The following SLC8A1 variants were observed in gnomAD, a reference collection of about 807,000 sequenced individuals.
The protein encoded by SLC8A1 is sodium/calcium exchanger 1.
Under a neutral mutation model 68.3 loss-of-function variants are expected in SLC8A1, and 18 were observed. That is an observed-to-expected ratio of 0.26 (90% CI 0.18 to 0.39). The LOEUF is 0.39. Among genes scored for constraint, SLC8A1 ranks in the 10% least tolerant of loss-of-function variants. SLC8A1 has a pLI of 1.00. For synonymous variants in SLC8A1, 475 were observed against 415.5 expected (o/e 1.14, Z -1.74); for missense variants, 985 against 1,156.7 (o/e 0.85, Z 2.15).
chr2:40,317,938 A>G (rs1333209090), intron 2 of SLC8A1, among the ~76,000 whole-genome samples: 1 of 152,108 alleles, frequency 6.6e-6, no homozygotes, highest in Non-Finnish European at 1.5e-5. Flanking sequence ...GTGGATATTC[A>G]GCATGCACTA....
At chr2:40,319,414 G>A (rs1486427471) in intron 2 of SLC8A1, among the ~76,000 whole-genome samples, 3 of 152,056 alleles carry the variant, frequency 2.0e-5, no homozygotes, top group Non-Finnish European at 4.4e-5. Flanking sequence ...GTTTTCTGAA[G>A]CATGGATTTT....
intron 2 of SLC8A1, among the ~76,000 whole-genome samples, chr2:40,277,276 C>G (rs1474901254): frequency 6.6e-6 from 1 of 151,784 alleles, no homozygotes; most frequent in Non-Finnish European, 1.5e-5. Context: ...CACGGTAGCT[C>G]ACGCCTATAA....
intron 5 of SLC8A1, among the ~76,000 whole-genome samples, chr2:40,163,785 T>C (rs1019024514): frequency 2.0e-5 from 3 of 152,236 alleles, no homozygotes; most frequent in Admixed American, 6.5e-5. Context: ...TCTTAAAATA[T>C]TCCACTTTAA....
chr2:40,355,381 C>G (rs1472113749), intron 2 of SLC8A1, among the ~76,000 whole-genome samples: 1 of 152,056 alleles, frequency 6.6e-6, no homozygotes, highest in African/African-American at 2.4e-5. Flanking sequence ...TTTACTTTGA[C>G]CTATAAGGAG....
rs1184862369 is a variant in SLC8A1 at position 40,290,727 on chromosome 2, A to T, written c.1809-112872T>A. ...GGATTTGAAGGATCCTAAAATACCC[A>T]TTACTACAGCTATAATAATGAGTAA... On this transcript the variant is annotated intron_variant, in intron 2 of 7. Coordinates refer to ENST00000406785, the Ensembl canonical transcript of SLC8A1. Among the ~76,000 whole-genome samples, 5 of 152,190 alleles carry T rather than the reference A, an allele frequency of 3.3e-5. No individual in the cohort carries two copies. In the East Asian group the frequency reaches 9.6e-4, roughly 29 times the overall value.
intron 2 of SLC8A1, among the ~76,000 whole-genome samples, chr2:40,222,531 C>G (rs538197639): frequency 3.1e-4 from 47 of 152,172 alleles, no homozygotes; most frequent in Non-Finnish European, 5.6e-4. Flanking sequence ...CAAATGGGAT[C>G]TGATTAAACT....
Position 40,296,350 on chromosome 2 carries a change from G to A in SLC8A1, c.1809-118495C>T, listed in dbSNP as rs559561141. Among the ~76,000 whole-genome samples, 14 of 152,238 alleles carry A rather than the reference G, an allele frequency of 9.2e-5. No homozygotes were observed. The South Asian group carries it at 2.9e-3, about 32-fold the overall frequency. ...CAACTTGAAGGTGCTACAGACCAAT[G>A]GAATATAAGGGATTCATTATTTAAT... On this transcript the variant is annotated intron_variant, in intron 2 of 7. Coordinates refer to ENST00000406785, the Ensembl canonical transcript of SLC8A1.
chr2:40,143,693 C>G (rs1221012983), intron 6 of SLC8A1, among the ~76,000 whole-genome samples: 1 of 152,162 alleles, frequency 6.6e-6, no homozygotes, highest in Non-Finnish European at 1.5e-5. Context: ...TTGGACCGTT[C>G]CTGCTCGGAA....
At chr2:40,164,144 G>T (rs1316680890) in intron 5 of SLC8A1, among the ~76,000 whole-genome samples, 7 of 127,314 alleles carry the variant, frequency 5.5e-5, no homozygotes, top group Non-Finnish European at 1.2e-4. Context: ...GAACCATGTA[G>T]GGTAGAAGGG....
intron 2 of SLC8A1, among the ~76,000 whole-genome samples, chr2:40,404,521 T>G (rs577818654): frequency 6.6e-6 from 1 of 152,170 alleles, no homozygotes; most frequent in African/African-American, 2.4e-5. Context: ...CCCAAGAGTT[T>G]GTGCATGTTG....
chr2:40,456,392 T>C (rs1703027524), upstream of SLC8A1, among the ~76,000 whole-genome samples: 1 of 151,708 alleles, frequency 6.6e-6, no homozygotes, highest in Non-Finnish European at 1.5e-5. Context: ...TTCTGCCCCT[T>C]ATTAAATTAA....
At chr2:40,346,357 C>G (rs779244452) in intron 2 of SLC8A1, among the ~76,000 whole-genome samples, 20 of 152,146 alleles carry the variant, frequency 1.3e-4, no homozygotes, top group Non-Finnish European at 2.2e-4. Flanking sequence ...CCATGCTACT[C>G]AAAGCGGACT....
intron 2 of SLC8A1, among the ~76,000 whole-genome samples, chr2:40,204,274 T>C (rs937248813): frequency 6.6e-6 from 1 of 152,048 alleles, no homozygotes; most frequent in Admixed American, 6.6e-5. Flanking sequence ...TCTAGGTGTA[T>C]GTTTATAAAA....
At chr2:40,332,423 G>A (rs961414667) in intron 2 of SLC8A1, among the ~76,000 whole-genome samples, 1 of 149,130 alleles carries the variant, frequency 6.7e-6, no homozygotes, top group South Asian at 2.2e-4. Flanking sequence ...CATGTGTGTG[G>A]GGGGAGGACG....
intron 2 of SLC8A1, among the ~76,000 whole-genome samples, chr2:40,371,528 C>T (rs918878126): frequency 6.6e-6 from 1 of 152,090 alleles, no homozygotes; most frequent in Non-Finnish European, 1.5e-5. Context: ...ATGTTAGTGT[C>T]TTCTACCTCT....
intron 1 of SLC8A1, among the ~76,000 whole-genome samples, chr2:40,433,972 C>T (rs538191759): frequency 6.6e-6 from 1 of 152,292 alleles, no homozygotes; most frequent in East Asian, 1.9e-4. Context: ...AACATGAGGG[C>T]TAGCATGTTC....
intron 1 of SLC8A1, among the ~76,000 whole-genome samples, chr2:40,444,345 AG>A (rs1305031253): frequency 6.6e-6 from 1 of 152,152 alleles, no homozygotes; most frequent in Non-Finnish European, 1.5e-5. Context: ...TTTAAAGAAA[AG>A]TAAAATTAAA....
At chr2:40,501,954 T>A (rs9678966) in intron 1 of SLC8A1, among the ~76,000 whole-genome samples, 1 of 152,008 alleles carries the variant, frequency 6.6e-6, no homozygotes, top group African/African-American at 2.4e-5. Flanking sequence ...TCAATCAAGA[T>A]CTTACCATGA....
At chr2:40,212,283 C>CTTTTT (rs11369856) in intron 2 of SLC8A1, among the ~76,000 whole-genome samples, 4 of 136,824 alleles carry the variant, frequency 2.9e-5, no homozygotes, top group African/African-American at 8.2e-5. Context: ...GATGCAATAT[C>CTTTTT]TTTTTTTTTT....
Sources: allele counts gnomAD v4.1 joint callset (sites outside exome capture counted in the v4.1 genomes callset), GRCh38; gene constraint gnomAD v4.1.1; transcripts MANE v1.5; gene names NCBI Gene and HGNC (gene_info 2026-07-23, HGNC 2026-07-21).